CCDC191: variants seen among roughly 807,000 people sequenced by gnomAD.
CCDC191 encodes coiled-coil domain containing 191, also known as coiled-coil domain-containing protein 191.
In CCDC191, 99 loss-of-function variants were observed where a neutral mutation model predicts 114.0. The ratio of observed to expected loss-of-function variants is 0.87; its 90% CI spans 0.74 to 1.03. CCDC191 has a LOEUF of 1.03. Among genes scored for constraint, CCDC191 ranks in the 50% least tolerant of loss-of-function variants. The pLI is 0.00. For missense variants in CCDC191, 973 were observed against 1,087.0 expected, an observed-to-expected ratio of 0.90 and a Z score of 1.47; for synonymous variants, 351 against 376.0, an observed-to-expected ratio of 0.93 and a Z score of 0.77.
At position 114,005,732 on chromosome 3, in the gene CCDC191, G is replaced by GC; in HGVS notation, c.1643dup (p.Cys548TrpfsTer17). The GC allele has an allele frequency of 1.2e-6, 2 of 1,614,106 alleles. No individual in the cohort carries two copies. The highest frequency in any genetic ancestry group is 1.7e-6 in the Non-Finnish European group (2 of 1,179,992). On this transcript the variant is annotated frameshift_variant, in exon 10 of 17. Coordinates refer to ENST00000295878, the MANE Select transcript of CCDC191 (RefSeq NM_020817.2). LOFTEE classifies it high-confidence loss of function. ...CATGGCGGTTGTGGAAATGACCCAA[G>GC]CAAAGCGGTTCTGCTTTCTGGCTGG... is the stretch of plus-strand genomic sequence containing the variant.
chr3:114,012,451 G>T (rs919169825), intron 8 of CCDC191, among the ~76,000 whole-genome samples: 1 of 152,022 alleles, frequency 6.6e-6, no homozygotes, highest in Non-Finnish European at 1.5e-5. Flanking sequence ...TATAATATAG[G>T]TGGTAATAAA....
chr3:114,043,170 A>T (rs191571384), intron 3 of CCDC191, among the ~76,000 whole-genome samples: 1 of 152,318 alleles, frequency 6.6e-6, no homozygotes, highest in African/African-American at 2.4e-5. Context: ...AAGGGAAGAA[A>T]GATAGAGAAG....
At chr3:114,027,647 A>G (rs944437897) in intron 7 of CCDC191, among the ~76,000 whole-genome samples, 15 of 151,694 alleles carry the variant, frequency 9.9e-5, no homozygotes, top group Non-Finnish European at 2.2e-4. Context: ...GAATTAAAGC[A>G]CAAACAATTA....
intron 7 of CCDC191, among the ~76,000 whole-genome samples, chr3:114,021,934 T>C (rs1283208544): frequency 6.6e-6 from 1 of 152,162 alleles, no homozygotes; most frequent in East Asian, 1.9e-4. Flanking sequence ...GATTTTCAAA[T>C]ATAGTCAGGC....
chr3:114,016,243 G>A (rs752123178), intron 8 of CCDC191, among the ~76,000 whole-genome samples: 12 of 152,218 alleles, frequency 7.9e-5, no homozygotes, highest in Non-Finnish European at 1.2e-4. Context: ...GAGTAACCAC[G>A]ATAATAAATG....
Position 114,046,626 on chromosome 3 carries a change from T to A in CCDC191, c.236A>T (p.Glu79Val), listed in dbSNP as rs1344530326. ...GATTTCATCATGATCCTCTATTTGC[T>A]CAGATGTTTTCAAATCTGTGATTTG... ...WGQITDLKTS[E>V]QIEDHDEIYA... is the part of the protein sequence containing the mutation. Residue 79 changes from glutamate (E) to valine (V), a missense_variant, in exon 3 of 17, where the codon GAG (glutamate) becomes GTG (valine). Coordinates refer to ENST00000295878, the MANE Select transcript of CCDC191 (RefSeq NM_020817.2). 1 of 1,608,318 alleles carries A rather than the reference T, an allele frequency of 6.2e-7. No individual in the cohort carries two copies. The highest frequency in any genetic ancestry group is 8.5e-7 in the Non-Finnish European group (1 of 1,174,916).
At chr3:114,031,524 T>G in intron 7 of CCDC191, 102 bp downstream of exon 7, 120 of 981,092 alleles carry the variant, frequency 1.2e-4, no homozygotes, top group East Asian at 2.2e-4. Flanking sequence ...GTATTTGTGA[T>G]GAGGTTCAAC....
chr3:113,972,421 A>C (rs1367193248), intron 16 of CCDC191, among the ~76,000 whole-genome samples: 1 of 151,896 alleles, frequency 6.6e-6, no homozygotes. Flanking sequence ...ATTTTATTCT[A>C]TTGTGGTCAG....
chr3:114,016,001 A>C (rs552129442), intron 8 of CCDC191, among the ~76,000 whole-genome samples: 3 of 152,244 alleles, frequency 2.0e-5, no homozygotes, highest in Non-Finnish European at 4.4e-5. Flanking sequence ...TGGGAAGAAC[A>C]GAAAGAAAAG....
chr3:113,967,099 CAAAAAAAG>C (rs55673182), intron 16 of CCDC191, among the ~76,000 whole-genome samples: 54,162 of 150,132 alleles, frequency 0.36, 10,988 homozygotes, highest in Admixed American at 0.48. Context: ...ACTCTTGTCT[CAAAAAAAG>C]AAAAAAAGAA....
chr3:114,035,931 G>A (rs2076476517), intron 5 of CCDC191, among the ~76,000 whole-genome samples: 1 of 152,000 alleles, frequency 6.6e-6, no homozygotes, highest in South Asian at 2.1e-4. Context: ...TACCTTCATT[G>A]AATAATTTAA....
At position 113,978,266 on chromosome 3, in the gene CCDC191, G is replaced by GA. The variant is rs1421406630; in HGVS notation, c.2525dup (p.Arg843GlnfsTer5). 5 of 1,613,858 alleles carry GA rather than the reference G, an allele frequency of 3.1e-6. No homozygotes were observed. Among genetic ancestry groups the GA allele is most frequent in the Middle Eastern group, 1.6e-4 (1 of 6,082 alleles). ...CCCTGACCATGTTAAACCAGGCCCT[G>GA]AAAATCTTCTTTTGAAGAAAATGTA... On this transcript the variant is annotated frameshift_variant, in exon 16 of 17. Coordinates refer to ENST00000295878, the MANE Select transcript of CCDC191 (RefSeq NM_020817.2). LOFTEE classifies it high-confidence loss of function.
intron 7 of CCDC191, among the ~76,000 whole-genome samples, chr3:114,031,020 T>G (rs73232535): frequency 0.027 from 4,042 of 152,236 alleles, 84 homozygotes; most frequent in South Asian, 0.047. Flanking sequence ...CTTTTATCAA[T>G]CCCACTTTAT....
Position 114,001,665 on chromosome 3 carries a change from T to C in CCDC191, c.2093A>G (p.Gln698Arg). ...AQLKAQEEERQKREAEEKEAQ... is the reference protein window; with the variant it reads ...AQLKAQEEERRKREAEEKEAQ... ...CTCCTTTTCTTCTGCCTCCCTTTTCTGACGTTCCTCCTCTTGGGCCTTTAA... is the reference window on the plus strand; with the variant it reads ...CTCCTTTTCTTCTGCCTCCCTTTTCCGACGTTCCTCCTCTTGGGCCTTTAA... Residue 698 changes from glutamine (Q) to arginine (R), a missense_variant, in exon 13 of 17, where the codon CAG becomes CGG. Coordinates refer to ENST00000295878, the MANE Select transcript of CCDC191 (RefSeq NM_020817.2). 1 of 1,613,960 alleles carries C rather than the reference T, an allele frequency of 6.2e-7. No individual in the cohort carries two copies. Among genetic ancestry groups the C allele is most frequent in the South Asian group, 1.1e-5 (1 of 91,072 alleles).
At chr3:114,020,978 T>C (rs1396398265) in intron 7 of CCDC191, among the ~76,000 whole-genome samples, 2 of 152,158 alleles carry the variant, frequency 1.3e-5, no homozygotes, top group Non-Finnish European at 2.9e-5. Flanking sequence ...TATTATGATT[T>C]ACTTCACCAA....
chr3:113,975,243 T>C (rs940062819), intron 16 of CCDC191, among the ~76,000 whole-genome samples: 1 of 152,222 alleles, frequency 6.6e-6, no homozygotes, highest in East Asian at 1.9e-4. Context: ...GATACAGATA[T>C]GTAAGATTAC....
intron 16 of CCDC191, among the ~76,000 whole-genome samples, chr3:113,969,150 T>G (rs1442365349): frequency 3.3e-5 from 5 of 152,188 alleles, no homozygotes; most frequent in African/African-American, 9.7e-5. Context: ...ATTAAGCCAT[T>G]CATTAAGCAA....
chr3:114,008,178 CTTT>C (rs34788479), intron 9 of CCDC191, among the ~76,000 whole-genome samples: 1 of 132,252 alleles, frequency 7.6e-6, no homozygotes, highest in Non-Finnish European at 1.6e-5. Flanking sequence ...TTTCTGCTGA[CTTT>C]TTTTTTTTTT....
chr3:113,978,111 C>T (rs2074997716), intron 16 of CCDC191, 75 bp downstream of exon 16: 1 of 1,534,024 alleles, frequency 6.5e-7, no homozygotes, highest in Non-Finnish European at 9.0e-7. Flanking sequence ...TCTGCAGACA[C>T]ATTGTAGGAG....
Sources: gnomAD v4.1 joint callset for allele counts (sites outside exome capture counted in the v4.1 genomes callset) on GRCh38, gnomAD v4.1.1 for gene constraint, MANE v1.5 for transcripts, NCBI Gene and HGNC (gene_info 2026-07-23, HGNC 2026-07-21) for gene names.